Variants in EPB41L3 observed in about 807,000 individuals in gnomAD.
EPB41L3 encodes the protein erythrocyte membrane protein band 4.1 like 3, also known as band 4.1-like protein 3.
EPB41L3 carries 57 observed loss-of-function variants against 127.1 expected under a neutral mutation model. That is an observed-to-expected ratio of 0.45 (90% CI 0.36 to 0.56). The LOEUF is 0.56. EPB41L3 is among the 20% of genes least tolerant of loss of function. EPB41L3 has a pLI of 0.00. For missense variants in EPB41L3, 1,273 were observed against 1,372.2 expected (o/e 0.93, Z 1.14); for synonymous variants, 572 against 549.5 (o/e 1.04, Z -0.57).
At chr18:5,444,409 A>G (rs1440983037) in intron 4 of EPB41L3, among the ~76,000 whole-genome samples, 1 of 152,202 alleles carries the variant, frequency 6.6e-6, no homozygotes, top group Non-Finnish European at 1.5e-5. Flanking sequence ...AGAATTCAGG[A>G]GGTATTAAGG....
chr18:5,532,961 T>C (rs1460317162), intron 1 of EPB41L3, among the ~76,000 whole-genome samples: 1 of 152,160 alleles, frequency 6.6e-6, no homozygotes, highest in African/African-American at 2.4e-5. Context: ...AATAAAGCCA[T>C]TAAATGTTTT....
intron 3 of EPB41L3, among the ~76,000 whole-genome samples, chr18:5,468,180 G>A (rs1395226674): frequency 1.3e-5 from 2 of 152,180 alleles, no homozygotes; most frequent in East Asian, 3.9e-4. Flanking sequence ...GGAGGCTAAG[G>A]GGGACACTGA....
chr18:5,620,859 C>T (rs1271653850), intron 1 of EPB41L3, among the ~76,000 whole-genome samples: 1 of 152,098 alleles, frequency 6.6e-6, no homozygotes, highest in Non-Finnish European at 1.5e-5. Flanking sequence ...ATCAAACTTT[C>T]CCCACCCATA....
At chr18:5,525,285 C>T (rs1011787697) in intron 1 of EPB41L3, among the ~76,000 whole-genome samples, 3 of 152,124 alleles carry the variant, frequency 2.0e-5, no homozygotes, top group Admixed American at 6.5e-5. Context: ...ATCCAAGAGG[C>T]GTGCCATGGC....
chr18:5,538,797 T>C (rs2093641955), intron 1 of EPB41L3, among the ~76,000 whole-genome samples: 1 of 152,038 alleles, frequency 6.6e-6, no homozygotes, highest in Admixed American at 6.6e-5. Flanking sequence ...AAGAAACCAT[T>C]CTTCTTTTCT....
chr18:5,422,660 G>T (rs2145187525), intron 11 of EPB41L3, among the ~76,000 whole-genome samples: 1 of 152,300 alleles, frequency 6.6e-6, no homozygotes, highest in African/African-American at 2.4e-5. Flanking sequence ...GCAGCAGAAA[G>T]TGTACCTCCA....
At chr18:5,488,154 G>A (rs1268179580) in intron 2 of EPB41L3, among the ~76,000 whole-genome samples, 1 of 152,072 alleles carries the variant, frequency 6.6e-6, no homozygotes, top group African/African-American at 2.4e-5. Context: ...ACATGTACAG[G>A]GAAAAAGAGT....
chr18:5,523,120 C>T (rs1306707360), intron 1 of EPB41L3, among the ~76,000 whole-genome samples: 2 of 152,172 alleles, frequency 1.3e-5, no homozygotes, highest in Admixed American at 6.5e-5. Flanking sequence ...TTAGAACAGA[C>T]ATACATGCAG....
At chr18:5,627,400 T>A (rs1374744100) in intron 1 of EPB41L3, among the ~76,000 whole-genome samples, 1 of 152,202 alleles carries the variant, frequency 6.6e-6, no homozygotes. Context: ...TCTCTAGGTA[T>A]TCAACCAGAG....
intron 1 of EPB41L3, among the ~76,000 whole-genome samples, chr18:5,541,817 C>T (rs2149062065): frequency 6.6e-6 from 1 of 152,342 alleles, no homozygotes; most frequent in Admixed American, 6.5e-5. Context: ...CTGAATCCTT[C>T]AGCTAAAAGC....
Position 5,395,555 on chromosome 18 carries a change from C to A in EPB41L3, c.3072+54G>T. Reference sequence around the variant, plus strand: ...ACCTGTGAGGAGTTCTGAACAAGCACCTTCCTCCAGCTCGCTCTCAAGGAA... The same window carrying A: ...ACCTGTGAGGAGTTCTGAACAAGCAACTTCCTCCAGCTCGCTCTCAAGGAA... On this transcript the variant is annotated intron_variant, in intron 20 of 22. Coordinates refer to ENST00000341928, the MANE Select transcript of EPB41L3 (RefSeq NM_012307.5). 13 of 1,545,810 alleles carry A rather than the reference C, an allele frequency of 8.4e-6. No homozygotes were observed. In the South Asian group the frequency reaches 1.4e-4, roughly 16 times the overall value.
intron 1 of EPB41L3, among the ~76,000 whole-genome samples, chr18:5,521,832 C>T (rs2093003411): frequency 6.6e-6 from 1 of 152,086 alleles, no homozygotes; most frequent in South Asian, 2.1e-4. Flanking sequence ...AATAGGTGTT[C>T]AAGAAACATT....
chr18:5,397,938 A>G lies in EPB41L3; in HGVS notation c.2472+83T>C. On this transcript the variant is annotated intron_variant, in intron 17 of 22. Coordinates refer to ENST00000341928, the MANE Select transcript of EPB41L3 (RefSeq NM_012307.5). This position sits in a 1 kb window ranked among gnomAD's most constrained non-coding sequence, Gnocchi z 4.1. The stretch of plus-strand genomic sequence containing the variant: ...TTGAAGGCAAAGCCAGCTGGATGCA[A>G]CCACACACTCACGCCCAAAAAAAGG... 1.9e-6 allele frequency: 3 copies of G among 1,564,058 alleles called. No individual in the cohort carries two copies. Among genetic ancestry groups the G allele is most frequent in the Non-Finnish European group, 2.6e-6 (3 of 1,141,804 alleles).
chr18:5,471,823 G>A (rs928880381), intron 3 of EPB41L3, among the ~76,000 whole-genome samples: 1 of 152,180 alleles, frequency 6.6e-6, no homozygotes, highest in Non-Finnish European at 1.5e-5. Flanking sequence ...CACGATGTCA[G>A]AATACTAACA....
At chr18:5,418,704 G>A (rs1262754813) in intron 12 of EPB41L3, among the ~76,000 whole-genome samples, 1 of 152,112 alleles carries the variant, frequency 6.6e-6, no homozygotes, top group Non-Finnish European at 1.5e-5. Flanking sequence ...ATGATGGATT[G>A]GGCCATTTGT....
chr18:5,604,789 T>C (rs11660759), intron 3 of EPB41L3, among the ~76,000 whole-genome samples: 69,850 of 151,946 alleles, frequency 0.46, 17,154 homozygotes, highest in Middle Eastern at 0.58. Flanking sequence ...CAGATTGAAA[T>C]AGCCCATGTT....
At chr18:5,586,846 G>T (rs2143413391) in intron 3 of EPB41L3, among the ~76,000 whole-genome samples, 1 of 152,254 alleles carries the variant, frequency 6.6e-6, no homozygotes, top group South Asian at 2.1e-4. Context: ...ACATTTACAG[G>T]CAGGTGTTGG....
chr18:5,484,085 T>TCAAAAAAAAAAAAAAAAC (rs2089161327), intron 2 of EPB41L3, among the ~76,000 whole-genome samples: 1 of 3,832 alleles, frequency 2.6e-4, no homozygotes, highest in African/African-American at 9.2e-4. Flanking sequence ...CCAAACAAAC[T>TCAAAAAAAAAAAAAAAAC]CAAAAAAAAA....
intron 3 of EPB41L3, among the ~76,000 whole-genome samples, chr18:5,595,586 G>T (rs922631380): frequency 2.0e-5 from 3 of 152,146 alleles, no homozygotes; most frequent in Non-Finnish European, 4.4e-5. Context: ...GTTATCTGAT[G>T]TGCCCACTTC....
Sources: gnomAD v4.1 joint callset for allele counts (sites outside exome capture counted in the v4.1 genomes callset) on GRCh38, gnomAD v4.1.1 for gene constraint, Gnocchi (gnomAD v3.1) non-coding constraint, MANE v1.5 for transcripts, NCBI Gene and HGNC (gene_info 2026-07-23, HGNC 2026-07-21) for gene names.